Variants in OLA1 observed in about 807,000 individuals in gnomAD.
The protein encoded by OLA1 is Obg like ATPase 1, also known as obg-like ATPase 1.
OLA1 carries 14 observed loss-of-function variants against 48.4 expected under a neutral mutation model. That is an observed-to-expected ratio of 0.29 (90% CI 0.19 to 0.45). The LOEUF (loss-of-function observed/expected upper bound fraction) is 0.45, where lower values mean the gene tolerates loss of function less well. Ranked by LOEUF, OLA1 falls within the 20% of genes least tolerant of loss-of-function variation. The probability of loss-of-function intolerance (pLI) is 1.00; values close to 1 mark genes in which losing one functional copy is unlikely to be tolerated. For missense variants in OLA1, 325 were observed against 467.1 expected (o/e 0.70, Z 2.80); for synonymous variants, 127 against 150.4 (o/e 0.84, Z 1.14).
chr2:174,247,698 C>G, intron 1 of OLA1: 2 of 1,551,196 alleles, frequency 1.3e-6, no homozygotes, highest in Non-Finnish European at 1.7e-6. Context: ...CACCAAGTCC[C>G]TCCCACCTTT....
At chr2:174,224,617 CAA>C (rs35001832) in intron 3 of OLA1, among the ~76,000 whole-genome samples, 16,845 of 151,838 alleles carry the variant, frequency 0.11, 2,173 homozygotes, top group East Asian at 0.7. Context: ...TCTTAAAAAA[CAA>C]AAAAGACATG....
chr2:174,089,211 A>T (rs1685052383), intron 7 of OLA1, among the ~76,000 whole-genome samples: 2 of 152,184 alleles, frequency 1.3e-5, no homozygotes, highest in South Asian at 4.1e-4. Context: ...AAGAAAAAAG[A>T]ATAAAAGGAA....
intron 4 of OLA1, among the ~76,000 whole-genome samples, chr2:174,190,633 C>G (rs1225069387): frequency 1.3e-5 from 2 of 151,374 alleles, no homozygotes; most frequent in Non-Finnish European, 2.9e-5. Flanking sequence ...AATGATTTAC[C>G]TGAAAGTTAC....
At position 174,074,378 on chromosome 2, in the gene OLA1, A is replaced by G. The variant is rs1043512606; in HGVS notation, c.*1048T>C. 6.6e-6 allele frequency: 1 copy of G among 152,230 alleles called. No homozygotes were observed. Among genetic ancestry groups the G allele is most frequent in the African/African-American group, 2.4e-5 (1 of 41,452 alleles). The allele number at this position is 152,230 out of a possible 1,614,324, so 9.4% of individuals were successfully genotyped here. A position where few individuals can be genotyped will look rare whatever the true frequency, so the allele number is the denominator to read the frequency against. ...AGGCTAAGTGGCAAAGGGTCTCCAA[A>G]TTACCAATTTGTTCTAGTCTTTCTT... is the stretch of plus-strand genomic sequence containing the variant. On this transcript the variant is annotated 3_prime_UTR_variant, in exon 11 of 11. Coordinates refer to ENST00000284719, the MANE Select transcript of OLA1 (RefSeq NM_013341.5).
chr2:174,081,308 T>A, intron 8 of OLA1, 60 bp from the exon 9 acceptor site: 1 of 1,261,284 alleles, frequency 7.9e-7, no homozygotes, highest in Non-Finnish European at 1.2e-6. Flanking sequence ...GAAATTGGTA[T>A]AGAGCTAAAA....
At chr2:174,151,864 C>T (rs906390445) in intron 4 of OLA1, among the ~76,000 whole-genome samples, 10 of 152,204 alleles carry the variant, frequency 6.6e-5, no homozygotes, top group East Asian at 1.9e-4. Flanking sequence ...GGGATGTGAA[C>T]GGGACGAGGG....
At chr2:174,200,082 T>G (rs4355075) in intron 4 of OLA1, among the ~76,000 whole-genome samples, 1 of 152,138 alleles carries the variant, frequency 6.6e-6, no homozygotes, top group South Asian at 2.1e-4. Flanking sequence ...AAATATATTA[T>G]GTACACATAT....
At chr2:174,179,144 C>T (rs1046397258) in intron 4 of OLA1, among the ~76,000 whole-genome samples, 5 of 151,594 alleles carry the variant, frequency 3.3e-5, no homozygotes, top group Admixed American at 6.6e-5. Context: ...TATGCATGCA[C>T]GTATCTTTTA....
chr2:174,099,672 T>A (rs1043243748), intron 7 of OLA1, among the ~76,000 whole-genome samples: 13 of 152,222 alleles, frequency 8.5e-5, no homozygotes, highest in African/African-American at 3.1e-4. Context: ...ACCTACTGTT[T>A]ACATATAAAT....
At chr2:174,167,105 A>T (rs1403802017) in intron 4 of OLA1, among the ~76,000 whole-genome samples, 1 of 151,980 alleles carries the variant, frequency 6.6e-6, no homozygotes, top group African/African-American at 2.4e-5. Context: ...TCAACACAAC[A>T]TTTAGCCTAT....
At chr2:174,231,947 T>A (rs1574568928) in intron 2 of OLA1, among the ~76,000 whole-genome samples, 1 of 152,328 alleles carries the variant, frequency 6.6e-6, no homozygotes, top group African/African-American at 2.4e-5. Context: ...ATGCTTTTTG[T>A]AAAATGAGAA....
At chr2:174,107,867 A>T (rs1179206772) in intron 7 of OLA1, among the ~76,000 whole-genome samples, 2 of 152,142 alleles carry the variant, frequency 1.3e-5, no homozygotes, top group Non-Finnish European at 2.9e-5. Flanking sequence ...TGGACAGGGC[A>T]TCCTTCAGAT....
At chr2:174,156,116 A>G (rs1686871771) in intron 4 of OLA1, among the ~76,000 whole-genome samples, 1 of 152,192 alleles carries the variant, frequency 6.6e-6, no homozygotes, top group East Asian at 1.9e-4. Flanking sequence ...CAGGCCCTCA[A>G]TGTATTTAAC....
chr2:174,083,495 C>T (rs1684902884), intron 7 of OLA1, among the ~76,000 whole-genome samples: 1 of 151,738 alleles, frequency 6.6e-6, no homozygotes, highest in South Asian at 2.1e-4. Context: ...TTGTTCATAT[C>T]CCAAAAAATG....
chr2:174,137,812 C>CT (rs1432270113), intron 5 of OLA1, among the ~76,000 whole-genome samples: 1 of 152,186 alleles, frequency 6.6e-6, no homozygotes, highest in Non-Finnish European at 1.5e-5. Context: ...CTGGAATAGT[C>CT]CTTCGCTTAA....
intron 5 of OLA1, among the ~76,000 whole-genome samples, chr2:174,129,382 C>T (rs888441841): frequency 4.6e-5 from 7 of 151,660 alleles, no homozygotes; most frequent in Admixed American, 3.9e-4. Flanking sequence ...GGTGTGAACC[C>T]GGGAGGCGGA....
chr2:174,144,940 A>AT (rs1686546479), intron 4 of OLA1, among the ~76,000 whole-genome samples: 193 of 68,008 alleles, frequency 2.8e-3, no homozygotes, highest in Non-Finnish European at 4.4e-3. Flanking sequence ...TAAAAAAAAA[A>AT]AAAAAAAAAA....
At chr2:174,213,826 A>G (rs912820983) in intron 4 of OLA1, among the ~76,000 whole-genome samples, 21 of 152,164 alleles carry the variant, frequency 1.4e-4, no homozygotes, top group African/African-American at 5.1e-4. Context: ...TTTTTTAAAA[A>G]GGGTATTCAT....
intron 2 of OLA1, among the ~76,000 whole-genome samples, chr2:174,241,153 A>G (rs938021177): frequency 7.6e-4 from 116 of 152,170 alleles, no homozygotes; most frequent in African/African-American, 2.7e-3. Flanking sequence ...AGTGCCCCAG[A>G]CTTCCAGTCA....
Sources: gnomAD v4.1 joint callset for allele counts (sites outside exome capture counted in the v4.1 genomes callset) on GRCh38, gnomAD v4.1.1 for gene constraint, MANE v1.5 for transcripts, NCBI Gene and HGNC (gene_info 2026-07-23, HGNC 2026-07-21) for gene names.